The following TMEM132B variants were observed in gnomAD, a reference collection of about 807,000 sequenced individuals.
The protein encoded by TMEM132B is transmembrane protein 132B.
In TMEM132B, 18 loss-of-function variants were observed where a neutral mutation model predicts 90.8. The observed-to-expected ratio is 0.20, with a 90% CI of 0.14 to 0.29. TMEM132B has a LOEUF of 0.29. TMEM132B is among the 10% of genes least tolerant of loss of function. The pLI is 1.00. For synonymous variants in TMEM132B, 504 were observed against 523.3 expected (o/e 0.96, Z 0.50); for missense variants, 1,096 against 1,326.8 (o/e 0.83, Z 2.70).
intron 3 of TMEM132B, among the ~76,000 whole-genome samples, chr12:125,437,352 T>A (rs1880736669): frequency 6.6e-6 from 1 of 152,250 alleles, no homozygotes; most frequent in African/African-American, 2.4e-5. Context: ...ACTTTTGGGT[T>A]GTTTTCATCT....
At chr12:125,449,256 C>CG (rs1361006220) in intron 3 of TMEM132B, among the ~76,000 whole-genome samples, 1 of 152,144 alleles carries the variant, frequency 6.6e-6, no homozygotes, top group Non-Finnish European at 1.5e-5. Context: ...CGTGAGCCAC[C>CG]GCGCCTGGCC....
intron 5 of TMEM132B, among the ~76,000 whole-genome samples, chr12:125,610,617 ATCTCTCTC>A (rs138076677): frequency 1.0e-4 from 15 of 145,088 alleles, no homozygotes; most frequent in East Asian, 6.0e-4. Context: ...ATGGTGTAAA[ATCTCTCTC>A]TCTCTCTCTC....
intron 4 of TMEM132B, among the ~76,000 whole-genome samples, chr12:125,531,094 G>T (rs1020296315): frequency 1.3e-5 from 2 of 152,198 alleles, no homozygotes; most frequent in African/African-American, 4.8e-5. Context: ...ACACTCAGTC[G>T]TGTTGACTGG....
At chr12:125,603,359 C>G (rs1484086206) in intron 5 of TMEM132B, among the ~76,000 whole-genome samples, 1 of 152,026 alleles carries the variant, frequency 6.6e-6, no homozygotes, top group Admixed American at 6.6e-5. Context: ...GAAAGGATTC[C>G]CCATTTAATA....
chr12:125,597,664 C>A (rs956093312), intron 5 of TMEM132B, among the ~76,000 whole-genome samples: 11 of 152,098 alleles, frequency 7.2e-5, no homozygotes, highest in African/African-American at 2.4e-4. Flanking sequence ...ACAGATTGTT[C>A]TTTCTTTTCA....
intron 2 of TMEM132B, among the ~76,000 whole-genome samples, chr12:125,388,137 CCT>C (rs1473633539): frequency 6.6e-6 from 1 of 152,044 alleles, no homozygotes; most frequent in Non-Finnish European, 1.5e-5. Context: ...AACATAAAAA[CCT>C]ATTGTCGCCC....
chr12:125,318,818 G>C (rs558274586), intron 1 of TMEM132B, among the ~76,000 whole-genome samples: 2 of 152,186 alleles, frequency 1.3e-5, no homozygotes, highest in Non-Finnish European at 2.9e-5. Context: ...TAACTTGGAT[G>C]GTTGGTCCAG....
chr12:125,546,757 G>A (rs1275197131), intron 4 of TMEM132B, among the ~76,000 whole-genome samples: 1 of 152,186 alleles, frequency 6.6e-6, no homozygotes. Context: ...GAGATTCTGA[G>A]AATGTAAGTT....
At chr12:125,511,902 T>C (rs768467491) in intron 3 of TMEM132B, among the ~76,000 whole-genome samples, 14 of 151,094 alleles carry the variant, frequency 9.3e-5, no homozygotes, top group Non-Finnish European at 1.5e-4. Context: ...CCAAATTTCC[T>C]AGCTGGAAAT....
At chr12:125,382,409 G>A (rs1414527003) in intron 2 of TMEM132B, among the ~76,000 whole-genome samples, 1 of 152,176 alleles carries the variant, frequency 6.6e-6, no homozygotes, top group Admixed American at 6.5e-5. Context: ...TTTGGTGTAA[G>A]AACACAAAGA....
chr12:125,342,136 A>G (rs1043916956), intron 1 of TMEM132B, among the ~76,000 whole-genome samples: 2 of 152,182 alleles, frequency 1.3e-5, no homozygotes, highest in Non-Finnish European at 2.9e-5. Flanking sequence ...CTGACTTTTT[A>G]TCTAAGATTC....
In TMEM132B at chr12:125,416,243, C is replaced by G. The variant is rs200811413; in HGVS notation, c.1106+566C>G. Among the ~76,000 whole-genome samples, 7 of 152,320 alleles carry G rather than the reference C, an allele frequency of 4.6e-5. No individual in the cohort carries two copies. In the East Asian group the frequency reaches 1.2e-3, roughly 25 times the overall value. ...GGACATCTGGCAGGTAGAAAGAACT[C>G]TCACCTGTGTTGCAGCCGCCTTCCC... On this transcript the variant is annotated intron_variant, in intron 3 of 8. Transcript: ENST00000682704.
intron 3 of TMEM132B, among the ~76,000 whole-genome samples, chr12:125,476,678 A>G (rs974762421): frequency 6.6e-6 from 1 of 152,208 alleles, no homozygotes; most frequent in Non-Finnish European, 1.5e-5. Flanking sequence ...GGGGGAGAGT[A>G]CAAACCTAGG....
chr12:125,566,999 A>G (rs1206767247), intron 4 of TMEM132B, among the ~76,000 whole-genome samples: 1 of 151,826 alleles, frequency 6.6e-6, no homozygotes, highest in Non-Finnish European at 1.5e-5. Context: ...GCCCACCACC[A>G]CACCGGCTAA....
rs146044071 is a variant in TMEM132B at position 125,193,374 on chromosome 12, A to G, written c.67+6508A>G. On this transcript the variant is annotated intron_variant, in intron 1 of 8. Coordinates refer to ENST00000682704, the MANE Select transcript of TMEM132B (RefSeq NM_001366854.1). ...CTTCTTGTCCTGGAGTTTTGCCTCA[A>G]TTTCCCTGCCCTCAGGCCTGGGTGC... is the stretch of plus-strand genomic sequence containing the variant. Among the ~76,000 whole-genome samples the G allele has an allele frequency of 9.0e-3, 1,377 of 152,186 alleles. 18 individuals are homozygous for G. The highest frequency in any genetic ancestry group is 0.029 in the East Asian group (152 of 5,182).
intron 3 of TMEM132B, among the ~76,000 whole-genome samples, chr12:125,479,351 T>C (rs1218587832): frequency 6.6e-6 from 1 of 152,198 alleles, no homozygotes; most frequent in Non-Finnish European, 1.5e-5. Flanking sequence ...ATTAGTGTGC[T>C]GTATTTAGGA....
intron 1 of TMEM132B, among the ~76,000 whole-genome samples, chr12:125,241,154 C>T (rs1874055827): frequency 6.6e-6 from 1 of 152,072 alleles, no homozygotes; most frequent in Admixed American, 6.6e-5. Flanking sequence ...TTATTGAACT[C>T]CAGATATCAA....
chr12:125,637,419 G>A (rs571465598), intron 5 of TMEM132B, among the ~76,000 whole-genome samples: 9 of 152,252 alleles, frequency 5.9e-5, no homozygotes, highest in African/African-American at 9.6e-5. Flanking sequence ...AAGGACATGC[G>A]CCCGTGTCAC....
chr12:125,553,068 C>T (rs563344262), intron 4 of TMEM132B, among the ~76,000 whole-genome samples: 4 of 152,380 alleles, frequency 2.6e-5, no homozygotes, highest in African/African-American at 9.6e-5. Context: ...TTTACTAGGA[C>T]AGTTGTACAA....
Sources: gnomAD v4.1 joint callset for allele counts (sites outside exome capture counted in the v4.1 genomes callset) on GRCh38, gnomAD v4.1.1 for gene constraint, MANE v1.5 for transcripts, NCBI Gene and HGNC (gene_info 2026-07-23, HGNC 2026-07-21) for gene names.